ANKS1B: variants seen among roughly 807,000 people sequenced by gnomAD.
ANKS1B encodes ankyrin repeat and sterile alpha motif domain-containing protein 1B.
In ANKS1B, 36 loss-of-function variants were observed where a neutral mutation model predicts 148.3. The observed-to-expected ratio is 0.24, with a 90% CI of 0.19 to 0.32. ANKS1B has a LOEUF of 0.32. ANKS1B is among the 10% of genes least tolerant of loss of function. The pLI, the probability that ANKS1B is intolerant of heterozygous loss-of-function variation, is 1.00. For synonymous variants in ANKS1B, 542 were observed against 560.8 expected (o/e 0.97, Z 0.47); for missense variants, 1,157 against 1,542.6 (o/e 0.75, Z 4.19).
intron 1 of ANKS1B, among the ~76,000 whole-genome samples, chr12:99,926,154 T>C (rs758092504): frequency 2.0e-5 from 3 of 152,256 alleles, no homozygotes; most frequent in Non-Finnish European, 4.4e-5. Flanking sequence ...TGCCAATTTA[T>C]ATATTTAATG....
chr12:99,079,832 C>G (rs908962390), intron 16 of ANKS1B: 2 of 152,230 alleles, frequency 1.3e-5, no homozygotes, highest in African/African-American at 4.8e-5. Context: ...TGGCTGGAAC[C>G]AATAAGGCTG....
At chr12:99,941,874 C>T (rs1021156290) in intron 1 of ANKS1B, among the ~76,000 whole-genome samples, 20 of 152,094 alleles carry the variant, frequency 1.3e-4, no homozygotes, top group African/African-American at 4.3e-4. Context: ...CATCACCATG[C>T]AGAGAATGGA....
intron 22 of ANKS1B, among the ~76,000 whole-genome samples, chr12:98,788,430 T>C (rs1424452616): frequency 1.3e-5 from 2 of 152,100 alleles, no homozygotes; most frequent in Non-Finnish European, 2.9e-5. Context: ...CCTCTAGACA[T>C]CTTTAAAAAT....
intron 17 of ANKS1B, among the ~76,000 whole-genome samples, chr12:98,890,168 G>A (rs949218130): frequency 2.6e-5 from 4 of 152,114 alleles, no homozygotes; most frequent in Non-Finnish European, 4.4e-5. Flanking sequence ...TGTAAATAAC[G>A]CTGAAATTTA....
At chr12:99,484,770 T>G (rs572445836) in intron 10 of ANKS1B, among the ~76,000 whole-genome samples, 71 of 148,550 alleles carry the variant, frequency 4.8e-4, no homozygotes, top group Non-Finnish European at 8.2e-4. Flanking sequence ...GTGTGTTTTT[T>G]TTTTTTTTTT....
intron 14 of ANKS1B, among the ~76,000 whole-genome samples, chr12:99,182,351 T>G (rs563111212): frequency 1.3e-5 from 2 of 152,176 alleles, no homozygotes; most frequent in Non-Finnish European, 2.9e-5. Flanking sequence ...ATCATCTTAC[T>G]CTCTATCTCC....
intron 14 of ANKS1B, among the ~76,000 whole-genome samples, chr12:99,203,167 C>T (rs1367150639): frequency 6.6e-6 from 1 of 152,138 alleles, no homozygotes; most frequent in African/African-American, 2.4e-5. Flanking sequence ...AATCTGTAAA[C>T]CTGCATTAGA....
intron 9 of ANKS1B, among the ~76,000 whole-genome samples, chr12:99,565,207 C>T (rs1007949518): frequency 6.6e-6 from 1 of 152,126 alleles, no homozygotes; most frequent in Admixed American, 6.5e-5. Flanking sequence ...TCATTGGGCA[C>T]TATGTGCAAG....
chr12:99,917,041 T>C (rs1399624208), intron 1 of ANKS1B, among the ~76,000 whole-genome samples: 1 of 152,190 alleles, frequency 6.6e-6, no homozygotes, highest in Non-Finnish European at 1.5e-5. Context: ...AGCACTGTTC[T>C]AAAGGACAGT....
At chr12:98,885,101 T>C (rs906778856) in intron 17 of ANKS1B, among the ~76,000 whole-genome samples, 5 of 152,186 alleles carry the variant, frequency 3.3e-5, no homozygotes, top group Non-Finnish European at 7.3e-5. Context: ...GCAAGATCTC[T>C]AGGTTCCATC....
At chr12:99,495,430 A>G (rs1333329995) in intron 10 of ANKS1B, among the ~76,000 whole-genome samples, 1 of 151,942 alleles carries the variant, frequency 6.6e-6, no homozygotes, top group African/African-American at 2.4e-5. Flanking sequence ...TAAGTTGAAC[A>G]AATTGAGATG....
intron 18 of ANKS1B, 172 bp downstream of exon 18, chr12:98,831,857 T>G (rs978298500): frequency 1.5e-6 from 1 of 646,100 alleles, no homozygotes; most frequent in African/African-American, 1.8e-5. Flanking sequence ...TCAAGTGATT[T>G]TCATGTCTCA....
At chr12:98,911,329 G>A (rs2099786589) in intron 17 of ANKS1B, among the ~76,000 whole-genome samples, 1 of 152,082 alleles carries the variant, frequency 6.6e-6, no homozygotes, top group African/African-American at 2.4e-5. Flanking sequence ...CCTAAAGAAA[G>A]CATTATACAG....
At chr12:99,696,969 G>T (rs2054026521) in intron 8 of ANKS1B, among the ~76,000 whole-genome samples, 1 of 152,154 alleles carries the variant, frequency 6.6e-6, no homozygotes. Flanking sequence ...CCAAATAATT[G>T]CATGAAAAGA....
chr12:99,054,148 A>G (rs1220540132), intron 16 of ANKS1B, among the ~76,000 whole-genome samples: 2 of 152,118 alleles, frequency 1.3e-5, no homozygotes. Flanking sequence ...CACTTCTAAA[A>G]CTTGGGCTGC....
intron 15 of ANKS1B, among the ~76,000 whole-genome samples, chr12:99,124,465 T>C (rs7979379): frequency 0.65 from 98,661 of 151,006 alleles, 32,346 homozygotes; most frequent in East Asian, 0.75. Flanking sequence ...GAGTTGTGGA[T>C]GCCTTAATGT....
intron 1 of ANKS1B, among the ~76,000 whole-genome samples, chr12:99,859,577 A>G (rs1219487163): frequency 4.6e-5 from 7 of 152,192 alleles, no homozygotes; most frequent in Non-Finnish European, 8.8e-5. Flanking sequence ...TTTCTCATAT[A>G]TTAAACAAAA....
At chr12:99,982,560 A>T (rs902354755) in intron 1 of ANKS1B, among the ~76,000 whole-genome samples, 1 of 152,198 alleles carries the variant, frequency 6.6e-6, no homozygotes, top group African/African-American at 2.4e-5. Flanking sequence ...TAACTGATGG[A>T]TCCACAGCAA....
chr12:99,109,930 A>G (rs2059963967), intron 15 of ANKS1B, among the ~76,000 whole-genome samples: 1 of 152,252 alleles, frequency 6.6e-6, no homozygotes, highest in Admixed American at 6.5e-5. Context: ...AGGAAAGCTC[A>G]GAGAAGGTAA....
Sources: gnomAD v4.1 joint callset for allele counts (sites outside exome capture counted in the v4.1 genomes callset) on GRCh38, gnomAD v4.1.1 for gene constraint, MANE v1.5 for transcripts, NCBI Gene and HGNC (gene_info 2026-07-23, HGNC 2026-07-21) for gene names.